Variants in RGPD2 observed in about 807,000 individuals in gnomAD.
RGPD2 encodes RANBP2 like and GRIP domain containing 2, also known as RANBP2-like and GRIP domain-containing protein 2.
RGPD2 carries 2 observed loss-of-function variants against 36.0 expected under a neutral mutation model. The ratio of observed to expected loss-of-function variants is 0.06; its 90% confidence interval spans 0.02 to 0.17. The LOEUF (loss-of-function observed/expected upper bound fraction) is 0.17. Ranked by LOEUF, RGPD2 falls within the 10% of genes least tolerant of loss-of-function variation. The probability of loss-of-function intolerance (pLI) is 1.00; values close to 1 mark genes in which losing one functional copy is unlikely to be tolerated. For missense variants in RGPD2, 40 were observed against 464.3 expected (o/e 0.09, Z 8.40); for synonymous variants, 19 against 163.8 (o/e 0.12, Z 6.75).
chr2:87,847,168 T>C, the RGPD2 span, among the ~76,000 whole-genome samples: 1 of 152,154 alleles, frequency 6.6e-6, no homozygotes, highest in Non-Finnish European at 1.5e-5. Context: ...TATATGTTAT[T>C]ACATTTATTG....
the RGPD2 span, among the ~76,000 whole-genome samples, chr2:87,876,150 C>T: frequency 5.4e-5 from 8 of 149,482 alleles, no homozygotes; most frequent in Non-Finnish European, 8.9e-5. Context: ...TTTTATTTCT[C>T]TTAAAAAAAC....
the RGPD2 span, among the ~76,000 whole-genome samples, chr2:87,948,495 C>T: frequency 0.58 from 85,454 of 147,846 alleles, 26,367 homozygotes; most frequent in East Asian, 0.84. Context: ...TATTCGCCTG[C>T]GTCAGCCTCC....
At chr2:87,830,597 T>C (rs1328955159), upstream of RGPD2, among the ~76,000 whole-genome samples, 2 of 152,168 alleles carry the variant, frequency 1.3e-5, no homozygotes, top group Non-Finnish European at 2.9e-5. Context: ...CTGTATTAGC[T>C]CATTCTCATA....
the RGPD2 span, among the ~76,000 whole-genome samples, chr2:87,875,728 G>T: frequency 3.9e-5 from 6 of 152,272 alleles, no homozygotes; most frequent in African/African-American, 1.2e-4. Flanking sequence ...GATGATGCTG[G>T]CCTCATAAAT....
chr2:87,964,111 GC>G, the RGPD2 span, among the ~76,000 whole-genome samples: 1 of 152,074 alleles, frequency 6.6e-6, no homozygotes, highest in Non-Finnish European at 1.5e-5. Context: ...GGATACAGGT[GC>G]CCGGCATCCA....
At chr2:87,883,599 T>C in the RGPD2 span, among the ~76,000 whole-genome samples, 1 of 151,868 alleles carries the variant, frequency 6.6e-6, no homozygotes, top group South Asian at 2.1e-4. Flanking sequence ...GCCACTCATA[T>C]TAAAAGTGAA....
the RGPD2 span, among the ~76,000 whole-genome samples, chr2:87,881,305 A>G: frequency 6.6e-6 from 1 of 152,232 alleles, no homozygotes; most frequent in Non-Finnish European, 1.5e-5. Flanking sequence ...CCACAGCTCT[A>G]CTAAGCAGTA....
chr2:87,769,350 CTT>C lies in RGPD2; in HGVS notation c.5236+2817_5236+2818del, dbSNP rs1337540846. ...ATTGTTTTTAATTGTAATAAGGTCTCTTTTATGTACTCACATTGATAAGAGAC... is the reference window on the plus strand; with the variant it reads ...ATTGTTTTTAATTGTAATAAGGTCTCTTATGTACTCACATTGATAAGAGAC... On this transcript the variant is annotated intron_variant, in intron 22 of 22. Coordinates refer to ENST00000398146, the MANE Select transcript of RGPD2 (RefSeq NM_001078170.3). Among the ~76,000 whole-genome samples the C allele has an allele frequency of 7.2e-5, 11 of 152,252 alleles. No individual in the cohort carries two copies. The East Asian group carries it at 1.5e-3, about 21-fold the overall frequency.
chr2:87,841,676 T>C, the RGPD2 span, among the ~76,000 whole-genome samples: 1 of 149,110 alleles, frequency 6.7e-6, no homozygotes, highest in African/African-American at 2.5e-5. Context: ...TTCCAATCAA[T>C]AGAAAAAGAG....
At chr2:87,825,005 C>T (rs1442424164) in intron 1 of RGPD2, 2 of 391,984 alleles carry the variant, frequency 5.1e-6, no homozygotes, top group African/African-American at 4.2e-5. Context: ...TACACTATTC[C>T]TCATCACTCA....
the RGPD2 span, among the ~76,000 whole-genome samples, chr2:87,885,356 C>T: frequency 6.6e-6 from 1 of 152,044 alleles, no homozygotes. Context: ...TATTCCTCAA[C>T]ATAATAAAGA....
At chr2:87,921,365 C>T in the RGPD2 span, among the ~76,000 whole-genome samples, 1 of 152,202 alleles carries the variant, frequency 6.6e-6, no homozygotes, top group Non-Finnish European at 1.5e-5. Flanking sequence ...AGTGTGGTGG[C>T]TAGGAGTTTG....
At chr2:87,825,275 T>A in intron 1 of RGPD2, 1 of 391,936 alleles carries the variant, frequency 2.6e-6, no homozygotes, top group Non-Finnish European at 4.5e-6. Flanking sequence ...AAACAAATGA[T>A]AGCCATACAC....
the RGPD2 span, among the ~76,000 whole-genome samples, chr2:87,922,292 C>CAAAAAAAAAAAAA: frequency 4.7e-5 from 4 of 84,694 alleles, no homozygotes; most frequent in Non-Finnish European, 8.5e-5. Flanking sequence ...GACTTCGTCT[C>CAAAAAAAAAAAAA]AAAAAAAAAA....
the RGPD2 span, among the ~76,000 whole-genome samples, chr2:87,888,237 C>T: frequency 6.6e-6 from 1 of 151,762 alleles, no homozygotes; most frequent in Non-Finnish European, 1.5e-5. Context: ...CTTACTGGAT[C>T]AACATACATA....
the RGPD2 span, among the ~76,000 whole-genome samples, chr2:87,860,251 G>T: frequency 3.9e-5 from 6 of 152,066 alleles, no homozygotes; most frequent in East Asian, 1.2e-3. Context: ...TGCCAGCAGA[G>T]TTAGTGCCTG....
the RGPD2 span, among the ~76,000 whole-genome samples, chr2:87,907,085 TA>T: frequency 1.5e-5 from 1 of 68,362 alleles, no homozygotes. Flanking sequence ...TATGCAGCCA[TA>T]AAAAATGATG....
At chr2:87,846,673 C>G in the RGPD2 span, among the ~76,000 whole-genome samples, 2 of 152,036 alleles carry the variant, frequency 1.3e-5, no homozygotes, top group South Asian at 4.2e-4. Flanking sequence ...CATCTGGTAA[C>G]TTTTCATGGA....
the RGPD2 span, among the ~76,000 whole-genome samples, chr2:87,934,712 G>A: frequency 4.7e-5 from 7 of 148,462 alleles, no homozygotes; most frequent in African/African-American, 7.4e-5. Flanking sequence ...ATGGTTTTAC[G>A]TATATTTCTA....
Sources: allele counts gnomAD v4.1 joint callset (sites outside exome capture counted in the v4.1 genomes callset), GRCh38; gene constraint gnomAD v4.1.1; transcripts MANE v1.5; gene names NCBI Gene and HGNC (gene_info 2026-07-23, HGNC 2026-07-21).